PHYHIPL: variants seen among roughly 807,000 people sequenced by gnomAD.
The protein encoded by PHYHIPL is phytanoyl-CoA 2-hydroxylase interacting protein like.
A neutral mutation model predicts 33.4 loss-of-function variants in PHYHIPL; 9 were observed. That is an observed-to-expected ratio of 0.27 (90% CI 0.16 to 0.47). PHYHIPL has a LOEUF of 0.47. Among genes scored for constraint, PHYHIPL ranks in the 20% least tolerant of loss-of-function variants. PHYHIPL has a pLI of 0.99. For missense variants in PHYHIPL, 365 were observed against 460.7 expected (o/e 0.79, Z 1.90); for synonymous variants, 153 against 154.1 (o/e 0.99, Z 0.05).
chr10:59,176,127 C>G (rs990575939), upstream of PHYHIPL, among the ~76,000 whole-genome samples: 8 of 152,222 alleles, frequency 5.3e-5, no homozygotes, highest in Non-Finnish European at 1.2e-4. Context: ...GAATGTCCGG[C>G]CGAGCCCGCA....
chr10:59,203,853 A>C (rs1415385471), intron 1 of PHYHIPL, among the ~76,000 whole-genome samples: 3 of 152,210 alleles, frequency 2.0e-5, no homozygotes, highest in African/African-American at 7.2e-5. Context: ...CCAACATGGC[A>C]CATGCATACA....
chr10:59,194,238 C>T (rs1215508382), intron 1 of PHYHIPL, among the ~76,000 whole-genome samples: 1 of 151,900 alleles, frequency 6.6e-6, no homozygotes, highest in Non-Finnish European at 1.5e-5. Context: ...TGCACCACCA[C>T]ACCCAGCTAA....
At chr10:59,221,600 T>C in intron 1 of PHYHIPL, 3 of 762,868 alleles carry the variant, frequency 3.9e-6, no homozygotes, top group Non-Finnish European at 4.8e-6. Context: ...TAAATAGGAG[T>C]GTGAAGCCTT....
chr10:59,244,978 C>T (rs1589306831), intron 4 of PHYHIPL, 79 bp from the exon 5 acceptor site: 2 of 1,458,576 alleles, frequency 1.4e-6, no homozygotes, highest in South Asian at 1.4e-5. Context: ...AGATGTTTGA[C>T]TTTTAGGCCA....
chr10:59,211,620 C>T (rs1184546532), intron 1 of PHYHIPL, among the ~76,000 whole-genome samples: 6 of 145,024 alleles, frequency 4.1e-5, no homozygotes, highest in Non-Finnish European at 7.5e-5. Flanking sequence ...AGGTGGTCCA[C>T]CCGCCTCAGC....
At chr10:59,187,908 A>G (rs1426682419) in intron 1 of PHYHIPL, among the ~76,000 whole-genome samples, 2 of 152,138 alleles carry the variant, frequency 1.3e-5, no homozygotes, top group African/African-American at 4.8e-5. Context: ...GATCTTTTCA[A>G]AAAACCACCT....
At chr10:59,232,397 G>A (rs1371749214) in intron 1 of PHYHIPL, among the ~76,000 whole-genome samples, 2 of 151,626 alleles carry the variant, frequency 1.3e-5, no homozygotes, top group Non-Finnish European at 3.0e-5. Context: ...GTTCCCAATG[G>A]GAAAAATATA....
chr10:59,198,350 A>C (rs1838986490), intron 1 of PHYHIPL, among the ~76,000 whole-genome samples: 1 of 152,140 alleles, frequency 6.6e-6, no homozygotes, highest in Non-Finnish European at 1.5e-5. Flanking sequence ...GATGGTTTCC[A>C]GCTTCATCCA....
chr10:59,187,262 A>G (rs1056723342), intron 1 of PHYHIPL, among the ~76,000 whole-genome samples: 9 of 152,214 alleles, frequency 5.9e-5, no homozygotes, highest in Non-Finnish European at 1.2e-4. Flanking sequence ...AGGCTGGATT[A>G]CGTTTATTGA....
intron 1 of PHYHIPL, among the ~76,000 whole-genome samples, chr10:59,187,426 C>CT (rs907945095): frequency 7.2e-5 from 11 of 152,122 alleles, no homozygotes; most frequent in Admixed American, 4.6e-4. Context: ...CTAAAATTCT[C>CT]TTTTTTTGTT....
intron 1 of PHYHIPL, among the ~76,000 whole-genome samples, chr10:59,187,006 T>G (rs899038469): frequency 7.9e-5 from 12 of 152,186 alleles, no homozygotes. Context: ...CTATGTTGAA[T>G]AGGAGTGGTG....
At chr10:59,185,377 G>T (rs1238036030) in intron 1 of PHYHIPL, among the ~76,000 whole-genome samples, 2 of 152,142 alleles carry the variant, frequency 1.3e-5, no homozygotes, top group African/African-American at 4.8e-5. Context: ...TTGGACATTT[G>T]GGTTGGTTCC....
Position 59,245,061 on chromosome 10 carries a change from C to T in PHYHIPL, c.601C>T (p.His201Tyr). The T allele has an allele frequency of 1.2e-6, 2 of 1,605,854 alleles. No individual in the cohort carries two copies. The highest frequency in any genetic ancestry group is 1.7e-5 in the Admixed American group (1 of 58,854). Residue 201 changes from histidine to tyrosine, a missense_variant, in exon 5 of 5, where the codon CAT (histidine) becomes TAT (tyrosine). His to Tyr is a moderately conservative substitution (Grantham distance 83). Coordinates refer to ENST00000373880, the MANE Select transcript of PHYHIPL (RefSeq NM_032439.4). ...HKEYFDYVRE[H>Y]HGNAMQPSVK... ...ACCACTTGTTTTCTCTTGCAGAGAA[C>T]ATCATGGGAATGCTATGCAGCCATC...
chr10:59,203,263 A>C (rs1254905827), intron 1 of PHYHIPL, among the ~76,000 whole-genome samples: 1 of 152,192 alleles, frequency 6.6e-6, no homozygotes, highest in African/African-American at 2.4e-5. Context: ...AAAGCCAGGA[A>C]ACAACAGGTG....
intron 1 of PHYHIPL, among the ~76,000 whole-genome samples, chr10:59,225,888 G>A (rs1263461312): frequency 6.6e-6 from 1 of 151,824 alleles, no homozygotes; most frequent in Non-Finnish European, 1.5e-5. Context: ...TCCATATGAT[G>A]AAAAAACAAA....
intron 1 of PHYHIPL, among the ~76,000 whole-genome samples, chr10:59,189,800 A>G (rs1286433502): frequency 3.3e-5 from 5 of 152,006 alleles, no homozygotes; most frequent in Admixed American, 6.6e-5. Flanking sequence ...AAAGTAAAAT[A>G]AAAATTTGCC....
chr10:59,202,364 A>G lies in PHYHIPL; in HGVS notation c.106+25405A>G, dbSNP rs538715793. Among the ~76,000 whole-genome samples the G allele has an allele frequency of 1.8e-4, 28 of 152,350 alleles. No individual in the cohort carries two copies. In the South Asian group the frequency reaches 4.3e-3, roughly 24 times the overall value. On this transcript the variant is annotated intron_variant, in intron 1 of 4. Transcript: ENST00000373880. ...AAATGTTTTAATAAAATTTAAAAATATAAAAAGTTATTCCATGTCAACTTT... is the reference window on the plus strand; with the variant it reads ...AAATGTTTTAATAAAATTTAAAAATGTAAAAAGTTATTCCATGTCAACTTT...
rs184489112 is a variant in PHYHIPL at position 59,243,864 on chromosome 10, G to C, written c.597-1193G>C. Reference sequence around the variant, plus strand: ...GTAGTCAGGGTTACGGTAACAAATAGGGGATGCTAAAGGAACCAAGAACTA... The same window carrying C: ...GTAGTCAGGGTTACGGTAACAAATACGGGATGCTAAAGGAACCAAGAACTA... On this transcript the variant is annotated intron_variant, in intron 4 of 4. Coordinates refer to ENST00000373880, the MANE Select transcript of PHYHIPL (RefSeq NM_032439.4). 4.6e-3 allele frequency among the ~76,000 whole-genome samples: 702 copies of C among 152,228 alleles called. 2 individuals are homozygous for C. The highest frequency in any genetic ancestry group is 7.5e-3 in the South Asian group (36 of 4,814).
In PHYHIPL at chr10:59,176,730, A is replaced by G; in HGVS notation, c.-124A>G. On this transcript the variant is annotated 5_prime_UTR_variant, in exon 1 of 5. Coordinates refer to ENST00000373880, the MANE Select transcript of PHYHIPL (RefSeq NM_032439.4). ...CGCGCCTCAGCCTCGGCGCCGCATC[A>G]CCGCGTCCCAGGCCTCCTTCCCTCC... is the stretch of plus-strand genomic sequence containing the variant. 1 of 854,182 alleles carries G rather than the reference A, an allele frequency of 1.2e-6. No individual in the cohort carries two copies. Among genetic ancestry groups the G allele is most frequent in the African/African-American group, 1.7e-5 (1 of 57,680 alleles). 52.9% of individuals were successfully genotyped at this position (854,182 alleles called of 1,614,324 possible). A position where few individuals can be genotyped will look rare whatever the true frequency, so the allele number is the denominator to read the frequency against.
Sources: gnomAD v4.1 joint callset for allele counts (sites outside exome capture counted in the v4.1 genomes callset) on GRCh38, gnomAD v4.1.1 for gene constraint, MANE v1.5 for transcripts, NCBI Gene and HGNC (gene_info 2026-07-23, HGNC 2026-07-21) for gene names.